Variants in CSF3R observed in about 807,000 individuals in gnomAD.
The protein encoded by CSF3R is colony stimulating factor 3 receptor, also known as granulocyte colony-stimulating factor receptor.
A neutral mutation model predicts 84.4 loss-of-function variants in CSF3R; 52 were observed. The observed-to-expected ratio is 0.62, with a 90% CI of 0.49 to 0.78. CSF3R has a LOEUF of 0.78. CSF3R is among the 30% of genes least tolerant of loss of function. The pLI is 0.00. For missense variants in CSF3R, 890 were observed against 1,055.7 expected, an observed-to-expected ratio of 0.84 and a Z score of 2.17; for synonymous variants, 384 against 429.1, an observed-to-expected ratio of 0.89 and a Z score of 1.30.
rs755584807 is a variant in CSF3R, at chr1:36,471,659, G to A, written c.1072-13C>T. The A allele has an allele frequency of 1.2e-6, 2 of 1,613,524 alleles. No homozygotes were observed. Among genetic ancestry groups the A allele is most frequent in the East Asian group, 4.5e-5 (2 of 44,888 alleles). ...CCAGGGGCACTGGCTGTGGGGCACA[G>A]GAGGAAAAAGAGAAGGGGATGTGCA... On this transcript the variant is annotated splice_polypyrimidine_tract_variant and intron_variant, in intron 9 of 16. Transcript: ENST00000373106.
At chr1:36,480,200 G>A (rs1281740095) in intron 2 of CSF3R, 1 of 156,834 alleles carries the variant, frequency 6.4e-6, no homozygotes, top group Non-Finnish European at 1.4e-5. Flanking sequence ...ATGAGTACTA[G>A]GCAGGTTCTC....
rs1426986770 is a variant in CSF3R at position 36,472,298 on chromosome 1, G to A, written c.937C>T (p.Pro313Ser). Residue 313 changes from proline to serine, a missense_variant, in exon 8 of 17, where the codon CCC becomes TCC. Coordinates refer to ENST00000373106, the MANE Select transcript of CSF3R (RefSeq NM_000760.4). The surrounding 1 kb of genome is among the most constrained non-coding windows in gnomAD (Gnocchi z 5.0). ...YTLQIRCIRWPLPGHWSDWSP... is the reference protein window; with the variant it reads ...YTLQIRCIRWSLPGHWSDWSP... ...CAGTCGCTCCAGTGGCCAGGCAGGG[G>A]CCAGCGGATGCAGCGTATCTGCAGG... 1.9e-6 allele frequency: 3 copies of A among 1,614,200 alleles called. No homozygotes were observed. The South Asian group carries it at 3.3e-5, about 18-fold the overall frequency.
In CSF3R at chr1:36,471,681, T is replaced by A. The variant is rs770690992; in HGVS notation, c.1072-35A>T. ...ACAGGAGGAAAAAGAGAAGGGGATGTGCAGCTCATCTTGAGTCAAGGAGAG... is the reference window on the plus strand; with the variant it reads ...ACAGGAGGAAAAAGAGAAGGGGATGAGCAGCTCATCTTGAGTCAAGGAGAG... On this transcript the variant is annotated intron_variant, in intron 9 of 16. Transcript: ENST00000373106. 6.3e-5 allele frequency: 101 copies of A among 1,606,600 alleles called. 1 individual carries two copies. The Admixed American group carries it at 1.3e-3, about 21-fold the overall frequency.
At position 36,467,092 on chromosome 1, in the gene CSF3R, G is replaced by A; in HGVS notation, c.2040+138C>T. 8.0e-7 allele frequency: 1 copy of A among 1,245,386 alleles called. No homozygotes were observed. The highest frequency in any genetic ancestry group is 1.2e-6 in the Non-Finnish European group (1 of 864,112). 77.1% of individuals were successfully genotyped at this position (1,245,386 alleles called of 1,614,324 possible). On this transcript the variant is annotated intron_variant, in intron 16 of 16. Coordinates refer to ENST00000373106, the MANE Select transcript of CSF3R (RefSeq NM_000760.4). This position sits in a 1 kb window ranked among gnomAD's most constrained non-coding sequence, Gnocchi z 4.1. ...ATGGACAGAGGTGGGATTCAAAGTT[G>A]GGTCTGCTTCAGTCCAAAGGGACGA... is the stretch of plus-strand genomic sequence containing the variant.
chr1:36,470,873 A>C (rs1310706917), intron 10 of CSF3R, among the ~76,000 whole-genome samples: 1 of 152,180 alleles, frequency 6.6e-6, no homozygotes, highest in Non-Finnish European at 1.5e-5. Flanking sequence ...AACAGCAGAC[A>C]CATGCAGAGC....
intron 4 of CSF3R, 27 bp from the exon 5 acceptor site, chr1:36,473,914 G>A (rs768753290): frequency 6.2e-6 from 10 of 1,613,412 alleles, no homozygotes; most frequent in Non-Finnish European, 8.5e-6. Context: ...AGAGTGTGAG[G>A]GCTTTGGGTG....
chr1:36,475,736 A>G, intron 3 of CSF3R, 63 bp from the exon 4 acceptor site: 1 of 1,519,920 alleles, frequency 6.6e-7, no homozygotes, highest in Admixed American at 1.9e-5. Context: ...GCTATAATCT[A>G]GGCCTTTGTA....
At chr1:36,483,283 C>T (rs953127242), upstream of CSF3R, 2 of 152,262 alleles carry the variant, frequency 1.3e-5, no homozygotes. Flanking sequence ...CTTTTCAGCT[C>T]TAGCCTTGGG....
Position 36,467,006 on chromosome 1 carries a change from A to G in CSF3R, c.2041-179T>C, listed in dbSNP as rs2124098369. ...CACACATGCCTGACACATGCCATGC[A>G]CCGTTCAGACTCAGCATGGTCAGTT... On this transcript the variant is annotated intron_variant, in intron 16 of 16. Coordinates refer to ENST00000373106, the MANE Select transcript of CSF3R (RefSeq NM_000760.4). This position sits in a 1 kb window ranked among gnomAD's most constrained non-coding sequence, Gnocchi z 4.1. 2.0e-6 allele frequency: 3 copies of G among 1,466,494 alleles called. No homozygotes were observed. Among genetic ancestry groups the G allele is most frequent in the Admixed American group, 1.9e-5 (1 of 53,542 alleles). 90.8% of individuals were successfully genotyped at this position (1,466,494 alleles called of 1,614,324 possible). A position where few individuals can be genotyped will look rare whatever the true frequency, so the allele number is the denominator to read the frequency against.
rs373776463 is a variant in CSF3R, at chr1:36,471,442, C to T, written c.1276G>A (p.Glu426Lys). The change falls in exon 10 of 17, where the codon GAA (glutamate) becomes AAA (lysine). Residue 426 changes from glutamate (E) to lysine (K), a missense_variant. By Grantham distance (56) the Glu-to-Lys change is moderately conservative. Transcript: ENST00000373106. ...TSRPTPVVFS[E>K]SRGPALTRLH... ...TGCCAGCCCCCTTTACCTCTGCTTT[C>T]TGAGAAGACCACCGGAGTGGGACGA... is the stretch of plus-strand genomic sequence containing the variant. 1.9e-6 allele frequency: 3 copies of T among 1,613,976 alleles called. No homozygotes were observed. Among genetic ancestry groups the T allele is most frequent in the African/African-American group, 1.3e-5 (1 of 74,952 alleles).
chr1:36,479,054 C>G, intron 3 of CSF3R: 1 of 352,016 alleles, frequency 2.8e-6, no homozygotes. Flanking sequence ...GGAAACCAAG[C>G]TCTGCCTGGG....
In CSF3R at chr1:36,466,094, G is replaced by A; in HGVS notation, c.*263C>T. ...AACAAAAACTGCAAACCAAAAACTA[G>A]TTTACAATACTGAAGTTATAGGAAA... On this transcript the variant is annotated 3_prime_UTR_variant, in exon 17 of 17. Transcript: ENST00000373106. The surrounding 1 kb of genome is among the most constrained non-coding windows in gnomAD (Gnocchi z 4.6). The A allele has an allele frequency of 6.2e-7, 1 of 1,614,152 alleles. No individual in the cohort carries two copies. Among genetic ancestry groups the A allele is most frequent in the Non-Finnish European group, 8.5e-7 (1 of 1,180,034 alleles).
At chr1:36,482,769 C>G (rs1456635687) in intron 1 of CSF3R, 42 bp downstream of exon 1, 1 of 152,420 alleles carries the variant, frequency 6.6e-6, no homozygotes, top group African/African-American at 2.4e-5. Context: ...AGCTCTCCAT[C>G]AAGCCCAAGG....
chr1:36,466,488 C>T lies in CSF3R; in HGVS notation c.2380G>A (p.Ala794Thr), dbSNP rs1650321745. The T allele has an allele frequency of 6.2e-7, 1 of 1,611,196 alleles. No individual in the cohort carries two copies. The highest frequency in any genetic ancestry group is 1.3e-5 in the African/African-American group (1 of 75,020). The change falls in exon 17 of 17, where the codon GCC (alanine) becomes ACC (threonine). Residue 794 changes from alanine to threonine, a missense_variant. Physicochemically the swap from Ala to Thr is moderately conservative, Grantham distance 58. Coordinates refer to ENST00000373106, the MANE Select transcript of CSF3R (RefSeq NM_000760.4). The surrounding 1 kb of genome is among the most constrained non-coding windows in gnomAD (Gnocchi z 4.6). ...PKSYENLWFQ[A>T]SPLGTLVTPA... ...GTTACCAGGGTCCCCAAGGGGCTGG[C>T]CTGGAACCAGAGGTTCTCATAGGAC...
In CSF3R at chr1:36,471,533, G is replaced by A. The variant is rs184980728; in HGVS notation, c.1185C>T (p.Cys395=). 4.6e-5 allele frequency: 75 copies of A among 1,614,260 alleles called. No homozygotes were observed. In the East Asian group the frequency reaches 1.6e-3, roughly 35 times the overall value. Residue 395 remains cysteine (C), a synonymous_variant, in exon 10 of 17, where the codon TGC becomes TGT. Transcript: ENST00000373106. Reference sequence around the variant, plus strand: ...GGGCTTCTGAAGGCAGGTGGAAGGTGCAGCTGAGCTCTGTGGTGTTGCAGA... The same window carrying A: ...GGGCTTCTGAAGGCAGGTGGAAGGTACAGCTGAGCTCTGTGGTGTTGCAGA... The part of the protein sequence containing the change: ...LPLCNTTELS[C]TFHLPSEAQE...
chr1:36,472,456 C>G lies in CSF3R; in HGVS notation c.843+61G>C. On this transcript the variant is annotated intron_variant, in intron 7 of 16. Coordinates refer to ENST00000373106, the MANE Select transcript of CSF3R (RefSeq NM_000760.4). This position sits in a 1 kb window ranked among gnomAD's most constrained non-coding sequence, Gnocchi z 5.0. ...GGGCCATTCTAGGGCCAGCTCGAGC[C>G]CGACTTACCCTGCCCCCTGCCCCCA... is the stretch of plus-strand genomic sequence containing the variant. 1 of 1,613,920 alleles carries G rather than the reference C, an allele frequency of 6.2e-7. No individual in the cohort carries two copies. Among genetic ancestry groups the G allele is most frequent in the Non-Finnish European group, 8.5e-7 (1 of 1,179,948 alleles).
Position 36,467,569 on chromosome 1 carries a change from A to G in CSF3R, c.1947T>C (p.Cys649=), listed in dbSNP as rs1005321266. Residue 649 remains cysteine (C), a synonymous_variant, in exon 15 of 17, where the codon TGT becomes TGC. Transcript: ENST00000373106. This position sits in a 1 kb window ranked among gnomAD's most constrained non-coding sequence, Gnocchi z 4.1. ...LTCLCGTAWL[C]CSPNRKNPLW... is the part of the protein sequence containing the mutation. ...TCAAAGGGACTCACTTGGGGCTGCAACAGAGCCAGGCAGTTCCACAGAGGC... is the reference window on the plus strand; with the variant it reads ...TCAAAGGGACTCACTTGGGGCTGCAGCAGAGCCAGGCAGTTCCACAGAGGC... 7.4e-6 allele frequency: 12 copies of G among 1,614,010 alleles called. No homozygotes were observed. Among genetic ancestry groups the G allele is most frequent in the Non-Finnish European group, 3.4e-6 (4 of 1,179,998 alleles).
Position 36,468,074 on chromosome 1 carries a change from C to T in CSF3R, c.1723+1G>A. ...TGTGGGGGAACTGAGGATAGACTCA[C>T]AGAAGGACTGGTTCTGAGCGTTGGT... On this transcript the variant is annotated splice_donor_variant, in intron 13 of 16. Coordinates refer to ENST00000373106, the MANE Select transcript of CSF3R (RefSeq NM_000760.4). LOFTEE classifies it high-confidence loss of function. 6.2e-7 allele frequency: 1 copy of T among 1,614,250 alleles called. No individual in the cohort carries two copies.
At chr1:36,470,407 C>T (rs1228514278) in intron 10 of CSF3R, among the ~76,000 whole-genome samples, 3 of 151,956 alleles carry the variant, frequency 2.0e-5, no homozygotes, top group Admixed American at 6.6e-5. Flanking sequence ...CTGGTCTTGA[C>T]CTCCTGACCT....
Sources: gnomAD v4.1 joint callset for allele counts (sites outside exome capture counted in the v4.1 genomes callset) on GRCh38, gnomAD v4.1.1 for gene constraint, Gnocchi (gnomAD v3.1) non-coding constraint, MANE v1.5 for transcripts, NCBI Gene and HGNC (gene_info 2026-07-23, HGNC 2026-07-21) for gene names.